Variants in CCDC148 observed in about 807,000 individuals in gnomAD.
CCDC148 encodes the protein coiled-coil domain-containing protein 148.
Under a neutral mutation model 85.7 loss-of-function variants are expected in CCDC148, and 89 were observed. The ratio of observed to expected loss-of-function variants is 1.04; its 90% CI spans 0.87 to 1.24. The LOEUF (loss-of-function observed/expected upper bound fraction) is 1.24, where lower values mean the gene tolerates loss of function less well. Among genes scored for constraint, CCDC148 ranks in the 50% most tolerant of loss-of-function variants. CCDC148 has a pLI of 0.00. For missense variants in CCDC148, 692 were observed against 671.7 expected, an observed-to-expected ratio of 1.03 and a Z score of -0.33; for synonymous variants, 230 against 213.9, an observed-to-expected ratio of 1.08 and a Z score of -0.66.
intron 1 of CCDC148, among the ~76,000 whole-genome samples, chr2:158,433,880 A>C (rs1435877124): frequency 6.6e-6 from 1 of 152,180 alleles, no homozygotes; most frequent in Admixed American, 6.5e-5. Flanking sequence ...CACTGCTAGC[A>C]CAGCAATCTG....
intron 1 of CCDC148, among the ~76,000 whole-genome samples, chr2:158,398,512 T>A (rs1347716591): frequency 1.3e-5 from 2 of 152,126 alleles, no homozygotes; most frequent in African/African-American, 4.8e-5. Flanking sequence ...CTGAACAACC[T>A]GTTCCTGAAT....
chr2:158,329,531 T>C (rs1430443416), intron 7 of CCDC148, among the ~76,000 whole-genome samples: 3 of 151,956 alleles, frequency 2.0e-5, no homozygotes, highest in Admixed American at 2.0e-4. Context: ...AAGTAGTTTT[T>C]TCCAATTCTG....
chr2:158,250,496 T>C (rs1308765088), intron 10 of CCDC148, among the ~76,000 whole-genome samples: 1 of 144,362 alleles, frequency 6.9e-6, no homozygotes, highest in Non-Finnish European at 1.5e-5. Context: ...ATTTAACAAC[T>C]GTCACAACCT....
intron 1 of CCDC148, among the ~76,000 whole-genome samples, chr2:158,430,825 T>G (rs901520167): frequency 2.6e-5 from 4 of 151,598 alleles, no homozygotes; most frequent in African/African-American, 9.7e-5. Context: ...AACTTGAAAA[T>G]AGATCAAATA....
chr2:158,441,501 A>C (rs66875687), intron 1 of CCDC148, among the ~76,000 whole-genome samples: 25,329 of 152,152 alleles, frequency 0.17, 2,242 homozygotes, highest in Middle Eastern at 0.2. Context: ...GAAAAGTCTA[A>C]TGATTTCTGA....
chr2:158,260,160 G>C (rs1234730979), intron 9 of CCDC148, among the ~76,000 whole-genome samples: 1 of 151,688 alleles, frequency 6.6e-6, no homozygotes, highest in Non-Finnish European at 1.5e-5. Flanking sequence ...CCTACTCCTG[G>C]AATAATGCCT....
At chr2:158,443,301 C>A (rs911540194) in intron 1 of CCDC148, among the ~76,000 whole-genome samples, 22 of 151,542 alleles carry the variant, frequency 1.5e-4, no homozygotes, top group African/African-American at 5.1e-4. Context: ...TTGATACCAA[C>A]CTGGGCAATA....
intron 7 of CCDC148, among the ~76,000 whole-genome samples, chr2:158,323,455 T>G (rs773752025): frequency 2.0e-5 from 3 of 152,232 alleles, no homozygotes; most frequent in Non-Finnish European, 4.4e-5. Flanking sequence ...ATACAGCAAC[T>G]TGAAACTTAA....
intron 9 of CCDC148, among the ~76,000 whole-genome samples, chr2:158,292,072 G>A (rs60986657): frequency 0.064 from 9,748 of 152,080 alleles, 380 homozygotes; most frequent in Non-Finnish European, 0.082. Context: ...GGCACTGAAA[G>A]ATCACTTTTT....
At chr2:158,214,115 T>C (rs1574414736) in intron 11 of CCDC148, among the ~76,000 whole-genome samples, 1 of 76,668 alleles carries the variant, frequency 1.3e-5, no homozygotes, top group Non-Finnish European at 2.6e-5. Flanking sequence ...AGAATAAACA[T>C]TGTGGTAAAA....
chr2:158,432,709 G>A (rs1163807719), intron 1 of CCDC148, among the ~76,000 whole-genome samples: 1 of 151,890 alleles, frequency 6.6e-6, no homozygotes, highest in African/African-American at 2.4e-5. Flanking sequence ...GAAATTAAAG[G>A]AGAAAAGAAC....
intron 11 of CCDC148, among the ~76,000 whole-genome samples, chr2:158,217,800 T>C (rs1391493121): frequency 6.6e-6 from 1 of 152,212 alleles, no homozygotes; most frequent in East Asian, 1.9e-4. Context: ...TGTGTGTGTG[T>C]TCTGAACACA....
chr2:158,190,780 G>C (rs1267917273), intron 11 of CCDC148, among the ~76,000 whole-genome samples: 2 of 151,880 alleles, frequency 1.3e-5, no homozygotes, highest in Non-Finnish European at 2.9e-5. Context: ...TGTTTGTAAA[G>C]CAAAATAATG....
chr2:158,272,400 C>T (rs764947569), intron 9 of CCDC148, among the ~76,000 whole-genome samples: 2 of 151,926 alleles, frequency 1.3e-5, no homozygotes, highest in East Asian at 1.9e-4. Flanking sequence ...GTATAGTTCT[C>T]GGATGAATGG....
chr2:158,304,029 T>C (rs958321422), intron 9 of CCDC148, among the ~76,000 whole-genome samples: 2 of 152,138 alleles, frequency 1.3e-5, no homozygotes, highest in African/African-American at 4.8e-5. Context: ...CATTCAGATG[T>C]TCTCCAACCA....
At chr2:158,181,474 A>G (rs1684900841) in intron 11 of CCDC148, among the ~76,000 whole-genome samples, 1 of 152,162 alleles carries the variant, frequency 6.6e-6, no homozygotes, top group Non-Finnish European at 1.5e-5. Flanking sequence ...ATGTAGATAC[A>G]AAGACCCAGG....
intron 1 of CCDC148, among the ~76,000 whole-genome samples, chr2:158,431,498 A>C (rs1687349840): frequency 6.6e-6 from 1 of 152,024 alleles, no homozygotes; most frequent in Non-Finnish European, 1.5e-5. Flanking sequence ...TAAAAAAAAA[A>C]AAACCTGTCA....
At chr2:158,203,170 C>G (rs1686056390) in intron 11 of CCDC148, among the ~76,000 whole-genome samples, 1 of 152,176 alleles carries the variant, frequency 6.6e-6, no homozygotes, top group Non-Finnish European at 1.5e-5. Context: ...CTTATTTGCT[C>G]CCTTCTGCAA....
chr2:158,387,010 A>C (rs904955784), intron 1 of CCDC148, among the ~76,000 whole-genome samples: 2 of 152,170 alleles, frequency 1.3e-5, no homozygotes, highest in African/African-American at 2.4e-5. Flanking sequence ...ATGGGACTAT[A>C]AAAAATACAT....
Sources: gnomAD v4.1 joint callset for allele counts (sites outside exome capture counted in the v4.1 genomes callset) on GRCh38, gnomAD v4.1.1 for gene constraint, MANE v1.5 for transcripts, NCBI Gene and HGNC (gene_info 2026-07-23, HGNC 2026-07-21) for gene names.